Variants in CDK13 observed in about 807,000 individuals in gnomAD.
CDK13 encodes the protein cyclin dependent kinase 13, also known as cyclin-dependent kinase 13.
Under a neutral mutation model 137.6 loss-of-function variants are expected in CDK13, and 40 were observed. The ratio of observed to expected loss-of-function variants is 0.29; its 90% CI spans 0.23 to 0.38. The LOEUF (loss-of-function observed/expected upper bound fraction) is 0.38. CDK13 is among the 10% of genes least tolerant of loss of function. The pLI is 1.00. For synonymous variants in CDK13, 869 were observed against 760.1 expected (o/e 1.14, Z -2.36); for missense variants, 1,704 against 1,951.8 (o/e 0.87, Z 2.39).
intron 9 of CDK13, among the ~76,000 whole-genome samples, chr7:40,064,156 C>T (rs982008535): frequency 3.3e-5 from 5 of 151,734 alleles, no homozygotes; most frequent in South Asian, 2.1e-4. Context: ...TGGTGGCCCA[C>T]GCCTATAATC....
chr7:39,959,772 C>G (rs1787549279), intron 1 of CDK13, among the ~76,000 whole-genome samples: 2 of 145,376 alleles, frequency 1.4e-5, no homozygotes, highest in African/African-American at 5.0e-5. Context: ...GCCAGATGTT[C>G]TAATTTCTTG....
intron 7 of CDK13, chr7:40,061,460 C>G (rs1272679602): frequency 6.6e-6 from 1 of 152,142 alleles, no homozygotes; most frequent in Non-Finnish European, 1.5e-5. Context: ...GCAGGTCAGG[C>G]AGATCTTACA....
intron 5 of CDK13, among the ~76,000 whole-genome samples, chr7:40,038,951 T>G (rs557306249): frequency 4.6e-5 from 7 of 152,318 alleles, no homozygotes; most frequent in Admixed American, 4.6e-4. Flanking sequence ...CACCTCAGCG[T>G]CCCAAAGTGC....
At chr7:40,015,265 T>C (rs1245796290) in intron 5 of CDK13, among the ~76,000 whole-genome samples, 2 of 152,076 alleles carry the variant, frequency 1.3e-5, no homozygotes, top group African/African-American at 4.8e-5. Flanking sequence ...AAAGGGAAAC[T>C]GTGGGCAAGT....
At chr7:40,088,363 C>T (rs751316308) in intron 12 of CDK13, 32 bp downstream of exon 12, 2 of 1,553,170 alleles carry the variant, frequency 1.3e-6, no homozygotes, top group South Asian at 2.2e-5. Context: ...TGGTTTTCTT[C>T]ACATTGTTTT....
chr7:40,073,674 C>G (rs556293437), intron 9 of CDK13: 1 of 151,632 alleles, frequency 6.6e-6, no homozygotes, highest in Non-Finnish European at 1.5e-5. Context: ...TCACTGCAAC[C>G]TCTGCCTCCC....
chr7:39,987,416 A>G (rs571364240), intron 1 of CDK13, among the ~76,000 whole-genome samples, 183 bp from the exon 2 acceptor site: 27 of 152,194 alleles, frequency 1.8e-4, no homozygotes, highest in Non-Finnish European at 2.8e-4. Flanking sequence ...TTTTGAAGAA[A>G]ACTATGATCA....
intron 1 of CDK13, among the ~76,000 whole-genome samples, chr7:39,977,881 T>C (rs948063763): frequency 9.9e-5 from 15 of 152,026 alleles, no homozygotes; most frequent in African/African-American, 3.6e-4. Context: ...AGATGTAGAA[T>C]TGGTGGAGCT....
At chr7:39,971,332 C>T (rs2116189069) in intron 1 of CDK13, among the ~76,000 whole-genome samples, 1 of 151,350 alleles carries the variant, frequency 6.6e-6, no homozygotes, top group African/African-American at 2.4e-5. Context: ...GCCTGGCCAA[C>T]ATGACAAAAC....
chr7:39,966,257 A>G (rs1218864496), intron 1 of CDK13, among the ~76,000 whole-genome samples: 11 of 152,148 alleles, frequency 7.2e-5, no homozygotes, highest in Non-Finnish European at 5.9e-5. Flanking sequence ...AGGTACACCA[A>G]TCAGATGTAG....
rs750425667 is a variant in CDK13, at chr7:40,062,893, C to T, written c.2668C>T (p.Arg890Ter). 6.2e-7 allele frequency: 1 copy of T among 1,613,654 alleles called. No individual in the cohort carries two copies. The highest frequency in any genetic ancestry group is 1.7e-5 in the Admixed American group (1 of 60,008). ...RPPELLLGEE[R>*]YTPAIDVWSC... Reference sequence around the variant, plus strand: ...ACCTGAACTGCTACTGGGAGAAGAACGATACACACCAGCCATTGATGTATG... The same window carrying T: ...ACCTGAACTGCTACTGGGAGAAGAATGATACACACCAGCCATTGATGTATG... Residue 890 changes from arginine to a stop codon, truncating the protein, a stop_gained, in exon 8 of 14, where the codon CGA becomes TGA. Transcript: ENST00000181839. LOFTEE classifies it high-confidence loss of function.
intron 5 of CDK13, among the ~76,000 whole-genome samples, chr7:40,040,023 T>C (rs1421566441): frequency 1.3e-5 from 2 of 151,964 alleles, no homozygotes; most frequent in Admixed American, 1.3e-4. Context: ...TTTTTTTTTT[T>C]TGAGATTGAG....
At chr7:40,089,907 T>C (rs895431558) in intron 12 of CDK13, among the ~76,000 whole-genome samples, 3 of 152,222 alleles carry the variant, frequency 2.0e-5, no homozygotes, top group Admixed American at 2.0e-4. Flanking sequence ...GAGAAAGCTT[T>C]AGGAAGATAA....
In CDK13 at chr7:39,999,564, C is replaced by T. The variant is rs181490488; in HGVS notation, c.2182+64C>T. Reference sequence around the variant, plus strand: ...AATGTACTTAGTTTGTGTTTCTCTTCTGATGTTTGGCTTCAGAAATTTTCC... The same window carrying T: ...AATGTACTTAGTTTGTGTTTCTCTTTTGATGTTTGGCTTCAGAAATTTTCC... On this transcript the variant is annotated intron_variant, in intron 4 of 13. Coordinates refer to ENST00000181839, the MANE Select transcript of CDK13 (RefSeq NM_003718.5). 5.3e-4 allele frequency: 772 copies of T among 1,457,698 alleles called. 4 individuals are homozygous for T. Among genetic ancestry groups the T allele is most frequent in the Non-Finnish European group, 3.3e-4 (353 of 1,084,792 alleles). 90.3% of individuals were successfully genotyped at this position (1,457,698 alleles called of 1,614,324 possible).
intron 4 of CDK13, among the ~76,000 whole-genome samples, chr7:40,001,472 C>A (rs1229493426): frequency 6.6e-6 from 1 of 152,148 alleles, no homozygotes; most frequent in Non-Finnish European, 1.5e-5. Flanking sequence ...TCCTCAGCCT[C>A]CCAAAGTGCT....
At chr7:39,973,094 CT>C (rs1784034187) in intron 1 of CDK13, among the ~76,000 whole-genome samples, 2 of 152,204 alleles carry the variant, frequency 1.3e-5, no homozygotes, top group South Asian at 2.1e-4. Flanking sequence ...TGGCCAAAAT[CT>C]TTTTTTGAGA....
At chr7:40,044,810 G>A (rs1785699341) in intron 5 of CDK13, among the ~76,000 whole-genome samples, 1 of 151,870 alleles carries the variant, frequency 6.6e-6, no homozygotes, top group African/African-American at 2.4e-5. Context: ...CTAATTTTTT[G>A]TATATTTATT....
intron 7 of CDK13, 157 bp from the exon 8 acceptor site, chr7:40,062,669 T>C (rs1415542029): frequency 1.5e-5 from 10 of 659,556 alleles, no homozygotes; most frequent in East Asian, 1.0e-4. Context: ...TATGATCTTA[T>C]ATTAGATACC....
intron 7 of CDK13, among the ~76,000 whole-genome samples, chr7:40,050,398 A>G (rs934790368): frequency 6.7e-6 from 1 of 149,304 alleles, no homozygotes; most frequent in Admixed American, 6.7e-5. Context: ...AAGCATATGT[A>G]TTTTATTTTA....
Sources: allele counts gnomAD v4.1 joint callset (sites outside exome capture counted in the v4.1 genomes callset), GRCh38; gene constraint gnomAD v4.1.1; transcripts MANE v1.5; gene names NCBI Gene and HGNC (gene_info 2026-07-23, HGNC 2026-07-21).